RBM25: variants seen among roughly 807,000 people sequenced by gnomAD.
RBM25 encodes RNA-binding protein 25.
RBM25 carries 19 observed loss-of-function variants against 120.7 expected under a neutral mutation model. The observed-to-expected ratio is 0.16, with a 90% CI of 0.11 to 0.23. RBM25 has a LOEUF of 0.23. Among genes scored for constraint, RBM25 ranks in the 10% least tolerant of loss-of-function variants. The probability of loss-of-function intolerance (pLI) is 1.00; values close to 1 mark genes in which losing one functional copy is unlikely to be tolerated. For missense variants in RBM25, 605 were observed against 1,041.5 expected, an observed-to-expected ratio of 0.58 and a Z score of 5.77; for synonymous variants, 390 against 326.7, an observed-to-expected ratio of 1.19 and a Z score of -2.09.
chr14:73,106,056 G>A lies in RBM25; in HGVS notation c.1352G>A (p.Arg451Gln). The part of the protein sequence containing the change: ...YERRKLERKL[R>Q]EKEAAYQERL... ...CGAAGAAAACTTGAAAGAAAACTCC[G>A]AGAGAAAGAAGCTGCTTATCAAGAG... Residue 451 changes from arginine to glutamine, a missense_variant, in exon 11 of 19, where the codon CGA becomes CAA. Around this residue, in one of 4 missense-constraint regions of RBM25, gnomAD observed 465 missense variants for 741.6 expected, o/e 0.63. Coordinates refer to ENST00000261973, the MANE Select transcript of RBM25 (RefSeq NM_021239.3). The A allele has an allele frequency of 1.9e-6, 3 of 1,609,458 alleles. No individual in the cohort carries two copies. Among genetic ancestry groups the A allele is most frequent in the Non-Finnish European group, 1.7e-6 (2 of 1,179,060 alleles).
rs534963272 is a variant in RBM25 at position 73,109,593 on chromosome 14, A to C, written c.1692+101A>C. On this transcript the variant is annotated intron_variant, in intron 14 of 18. Transcript: ENST00000261973. ...CGGATCACGAGGTCGGGAGATCGAG[A>C]TCATCCTGGCTAACACGGTGAAACC... 122 of 1,124,996 alleles carry C rather than the reference A, an allele frequency of 1.1e-4. No individual in the cohort carries two copies. In the African/African-American group the frequency reaches 1.6e-3, roughly 15 times the overall value. 69.7% of individuals were successfully genotyped at this position (1,124,996 alleles called of 1,614,324 possible).
chr14:73,063,066 C>T (rs953743578), intron 1 of RBM25, among the ~76,000 whole-genome samples: 2 of 151,294 alleles, frequency 1.3e-5, no homozygotes, highest in Admixed American at 6.6e-5. Context: ...AAGTGATCTG[C>T]ATGCCTTGGC....
At chr14:73,075,863 C>T (rs1895404984) in intron 2 of RBM25, among the ~76,000 whole-genome samples, 1 of 149,996 alleles carries the variant, frequency 6.7e-6, no homozygotes, top group Non-Finnish European at 1.5e-5. Context: ...CCAGGCAGAT[C>T]TCGATCTCCT....
At position 73,099,350 on chromosome 14, in the gene RBM25, A is replaced by T. The variant is rs777968623; in HGVS notation, c.730-30A>T. The T allele has an allele frequency of 2.3e-4, 363 of 1,588,212 alleles. 1 individual carries two copies. The highest frequency in any genetic ancestry group is 3.0e-4 in the Non-Finnish European group (354 of 1,172,162). On this transcript the variant is annotated intron_variant, in intron 7 of 18. Coordinates refer to ENST00000261973, the MANE Select transcript of RBM25 (RefSeq NM_021239.3). Reference sequence around the variant, plus strand: ...AGTATGAGCTCTGTTTTTCTTTTTTAAAAAAGATTCTTGGTGGATTTTTTC... The same window carrying T: ...AGTATGAGCTCTGTTTTTCTTTTTTTAAAAAGATTCTTGGTGGATTTTTTC...
chr14:73,082,517 C>T (rs565247837), intron 4 of RBM25, among the ~76,000 whole-genome samples: 2 of 152,064 alleles, frequency 1.3e-5, no homozygotes, highest in Non-Finnish European at 2.9e-5. Context: ...TCTTGAACTC[C>T]TGGGCTCAAG....
chr14:73,117,214 T>C (rs903499311), intron 18 of RBM25, among the ~76,000 whole-genome samples: 2 of 19,320 alleles, frequency 1.0e-4, no homozygotes, highest in East Asian at 4.2e-3. Flanking sequence ...TCTTTTCTTT[T>C]TTTTTTTTTT....
intron 1 of RBM25, among the ~76,000 whole-genome samples, chr14:73,064,074 C>G (rs1594893026): frequency 6.6e-6 from 1 of 151,430 alleles, no homozygotes; most frequent in East Asian, 1.9e-4. Flanking sequence ...TCTTTTAAAT[C>G]TTTGTTCTAA....
intron 7 of RBM25, among the ~76,000 whole-genome samples, 177 bp downstream of exon 7, chr14:73,097,277 T>C (rs1895968539): frequency 6.9e-6 from 1 of 145,034 alleles, no homozygotes; most frequent in African/African-American, 2.5e-5. Context: ...CTCAGTTCAC[T>C]GTAACCTCCG....
intron 18 of RBM25, among the ~76,000 whole-genome samples, chr14:73,117,205 C>CTTTTCTT (rs1896449536): frequency 8.2e-5 from 3 of 36,562 alleles, no homozygotes; most frequent in African/African-American, 2.0e-4. Flanking sequence ...TTTCTTTCTT[C>CTTTTCTT]TTTTCTTTTT....
intron 6 of RBM25, among the ~76,000 whole-genome samples, chr14:73,090,402 T>C (rs1207286068): frequency 6.6e-6 from 1 of 152,138 alleles, no homozygotes; most frequent in Non-Finnish European, 1.5e-5. Flanking sequence ...AGTCCACGTT[T>C]CTAGCTTCCG....
intron 2 of RBM25, among the ~76,000 whole-genome samples, chr14:73,072,460 GTATAT>G (rs1459519954): frequency 1.3e-5 from 2 of 152,212 alleles, no homozygotes; most frequent in East Asian, 1.9e-4. Flanking sequence ...ACTTAAAAGT[GTATAT>G]TATAAGTCAA....
At chr14:73,083,602 G>A (rs1237258899) in intron 5 of RBM25, 51 bp downstream of exon 5, 1 of 1,329,752 alleles carries the variant, frequency 7.5e-7, no homozygotes. Context: ...TAACCTGTGT[G>A]CTTAAATCAC....
chr14:73,112,142 T>G lies in RBM25; in HGVS notation c.2293-10T>G. The G allele has an allele frequency of 6.3e-7, 1 of 1,589,418 alleles. No homozygotes were observed. Among genetic ancestry groups the G allele is most frequent in the Non-Finnish European group, 8.6e-7 (1 of 1,169,532 alleles). On this transcript the variant is annotated splice_polypyrimidine_tract_variant and intron_variant, in intron 16 of 18. Coordinates refer to ENST00000261973, the MANE Select transcript of RBM25 (RefSeq NM_021239.3). ...ATTCTTTAATTCAGTAACCGTGGTT[T>G]GTTTTGCAGATACTGATGGAACGTC...
chr14:73,095,078 A>G (rs1467348847), intron 6 of RBM25, among the ~76,000 whole-genome samples: 1 of 150,982 alleles, frequency 6.6e-6, no homozygotes, highest in Non-Finnish European at 1.5e-5. Context: ...CAGGTCTCGA[A>G]CTCCTGACCT....
chr14:73,113,424 C>T (rs542478089), intron 17 of RBM25, among the ~76,000 whole-genome samples: 1 of 151,804 alleles, frequency 6.6e-6, no homozygotes, highest in African/African-American at 2.4e-5. Context: ...AAGACAGTGG[C>T]CCACGCCTTG....
chr14:73,076,125 CT>C (rs1472641343), intron 2 of RBM25, among the ~76,000 whole-genome samples, 193 bp from the exon 3 acceptor site: 1 of 152,120 alleles, frequency 6.6e-6, no homozygotes. Context: ...TCAGGATAGT[CT>C]TTTTTGTAAG....
At position 73,088,119 on chromosome 14, in the gene RBM25, A is replaced by G. The variant is rs776388675; in HGVS notation, c.501A>G (p.Ala167=). The change falls in exon 6 of 19, where the codon GCA becomes GCG. Residue 167 remains alanine (A), a synonymous_variant. Transcript: ENST00000261973. ...TTAAAGTTGATGCAAAGACAAAGGC[A>G]CAGCTGGATGAATGGAAAGCAAAGA... ...LLVKVDAKTK[A]QLDEWKAKKK... is the part of the protein sequence containing the mutation. The G allele has an allele frequency of 2.5e-6, 4 of 1,614,188 alleles. No individual in the cohort carries two copies. The highest frequency in any genetic ancestry group is 2.2e-5 in the South Asian group (2 of 91,092).
chr14:73,094,745 C>G (rs1895898354), intron 6 of RBM25, among the ~76,000 whole-genome samples: 1 of 151,970 alleles, frequency 6.6e-6, no homozygotes, highest in Admixed American at 6.6e-5. Flanking sequence ...TCAGGCTGGT[C>G]TCGAACTCCT....
Position 73,076,381 on chromosome 14 carries a change from T to TA in RBM25, c.156+16dup. ...TCCTGCTCCAACTGTAAGTATAACT[T>TA]AAAGGAGGAATCATGAGTTATGGTA... On this transcript the variant is annotated intron_variant, in intron 3 of 18. Coordinates refer to ENST00000261973, the MANE Select transcript of RBM25 (RefSeq NM_021239.3). 1 of 1,601,500 alleles carries TA rather than the reference T, an allele frequency of 6.2e-7. No homozygotes were observed. The highest frequency in any genetic ancestry group is 8.6e-7 in the Non-Finnish European group (1 of 1,168,728).
Sources: gnomAD v4.1 joint callset for allele counts (sites outside exome capture counted in the v4.1 genomes callset) on GRCh38, gnomAD v4.1.1 for gene constraint, gnomAD v4.1.1 regional missense constraint, MANE v1.5 for transcripts, NCBI Gene and HGNC (gene_info 2026-07-23, HGNC 2026-07-21) for gene names.